METTL15: variants seen among roughly 807,000 people sequenced by gnomAD.
METTL15 encodes methyltransferase 15, mitochondrial 12S rRNA N4-cytidine, also known as 12S rRNA N(4)-cytidine methyltransferase METTL15.
In METTL15, 34 loss-of-function variants were observed where a neutral mutation model predicts 38.3. The observed-to-expected ratio is 0.89, with a 90% CI of 0.68 to 1.18. The LOEUF is 1.18. Among genes scored for constraint, METTL15 ranks in the 50% most tolerant of loss-of-function variants. The pLI is 0.00. For synonymous variants in METTL15, 162 were observed against 170.9 expected (o/e 0.95, Z 0.41); for missense variants, 438 against 498.4 (o/e 0.88, Z 1.15).
At chr11:28,387,973 G>A (rs1850457853) in intron 5 of METTL15, among the ~76,000 whole-genome samples, 1 of 151,962 alleles carries the variant, frequency 6.6e-6, no homozygotes, top group Non-Finnish European at 1.5e-5. Context: ...AATTAATGCA[G>A]AAAAAGTATT....
At chr11:28,486,191 A>G (rs1386639952) in intron 6 of METTL15, among the ~76,000 whole-genome samples, 1 of 152,086 alleles carries the variant, frequency 6.6e-6, no homozygotes, top group Admixed American at 6.6e-5. Flanking sequence ...AATCTAGGAT[A>G]TGGATGGGAA....
intron 4 of METTL15, among the ~76,000 whole-genome samples, chr11:28,238,945 A>C (rs1034487638): frequency 1.2e-4 from 18 of 152,038 alleles, no homozygotes; most frequent in African/African-American, 4.3e-4. Flanking sequence ...TATTCCTTCA[A>C]ATGATTTTAT....
chr11:28,433,799 A>G (rs1850957554), intron 6 of METTL15, among the ~76,000 whole-genome samples: 1 of 152,176 alleles, frequency 6.6e-6, no homozygotes, highest in Non-Finnish European at 1.5e-5. Context: ...ATCTACAACT[A>G]GACTCTACAA....
At chr11:28,285,593 G>T (rs1856226691) in intron 4 of METTL15, among the ~76,000 whole-genome samples, 1 of 152,170 alleles carries the variant, frequency 6.6e-6, no homozygotes, top group East Asian at 1.9e-4. Context: ...TAATTTATGG[G>T]TTCTTATAAC....
chr11:28,111,894 C>A (rs950339521), intron 2 of METTL15, among the ~76,000 whole-genome samples: 5 of 152,102 alleles, frequency 3.3e-5, no homozygotes, highest in Admixed American at 6.5e-5. Context: ...AAACCTTAGG[C>A]ATAATTAATA....
At chr11:28,218,859 G>A (rs1201062083) in intron 4 of METTL15, among the ~76,000 whole-genome samples, 1 of 152,052 alleles carries the variant, frequency 6.6e-6, no homozygotes, top group Non-Finnish European at 1.5e-5. Context: ...GCTGGAATAC[G>A]TTTATTGATT....
chr11:28,397,155 C>A (rs1850579229), intron 5 of METTL15, among the ~76,000 whole-genome samples: 1 of 152,070 alleles, frequency 6.6e-6, no homozygotes, highest in Non-Finnish European at 1.5e-5. Flanking sequence ...AAAACCTAGG[C>A]AATACCATTC....
chr11:28,431,789 TTAAAAAAAAAAAAAAAAAGA>T (rs1000433827), intron 6 of METTL15, among the ~76,000 whole-genome samples: 2 of 9,952 alleles, frequency 2.0e-4, no homozygotes, highest in Non-Finnish European at 3.1e-4. Context: ...AAAAATAAAT[TTAAAAAAAAAAAAAAAAAGA>T]AAAAAAAAAA....
At position 28,391,003 on chromosome 11, in the gene METTL15, A is replaced by T. The variant is rs200743767; in HGVS notation, c.*358+28967A>T. On this transcript the variant is annotated intron_variant and NMD_transcript_variant, in intron 5 of 7. Coordinates refer to the METTL15 transcript ENST00000532947. ...TCTCTTTGAAGCAATTGTGAATGGG[A>T]GTTCACTCATGATTTGCCTCGCTGT... Among the ~76,000 whole-genome samples the T allele has an allele frequency of 2.0e-5, 3 of 152,110 alleles. No individual in the cohort carries two copies. In the East Asian group the frequency reaches 5.8e-4, roughly 29 times the overall value.
intron 3 of METTL15, among the ~76,000 whole-genome samples, chr11:28,115,419 C>T (rs890792933): frequency 9.2e-5 from 14 of 151,958 alleles, no homozygotes; most frequent in Middle Eastern, 3.4e-3. Flanking sequence ...CCACCACGCC[C>T]GGCTAATTTC....
chr11:28,161,641 A>G (rs1181892765), intron 3 of METTL15, among the ~76,000 whole-genome samples: 2 of 152,150 alleles, frequency 1.3e-5, no homozygotes, highest in Non-Finnish European at 2.9e-5. Flanking sequence ...TTTTAATTGT[A>G]ATATTATACT....
intron 6 of METTL15, among the ~76,000 whole-genome samples, chr11:28,317,956 T>C (rs944418486): frequency 6.6e-6 from 1 of 152,172 alleles, no homozygotes; most frequent in Non-Finnish European, 1.5e-5. Context: ...ACAGAAGTTT[T>C]TTTGGGGTGA....
intron 4 of METTL15, among the ~76,000 whole-genome samples, chr11:28,215,205 C>A (rs1436747743): frequency 6.6e-6 from 1 of 152,098 alleles, no homozygotes; most frequent in African/African-American, 2.4e-5. Context: ...GAAGGTAGGA[C>A]CCCTGTGAAT....
chr11:28,527,470 C>T (rs1851820031), downstream of METTL15, among the ~76,000 whole-genome samples: 1 of 152,224 alleles, frequency 6.6e-6, no homozygotes, highest in Non-Finnish European at 1.5e-5. Context: ...GTACCCCCTG[C>T]ATGCCAGGCA....
At chr11:28,450,427 A>G (rs980990503) in intron 6 of METTL15, among the ~76,000 whole-genome samples, 4 of 152,252 alleles carry the variant, frequency 2.6e-5, no homozygotes, top group African/African-American at 9.6e-5. Context: ...TAATCTGTAA[A>G]ATATGATAAT....
chr11:28,273,562 T>C (rs1368424784), intron 4 of METTL15, among the ~76,000 whole-genome samples: 1 of 152,098 alleles, frequency 6.6e-6, no homozygotes, highest in Non-Finnish European at 1.5e-5. Flanking sequence ...GATTTTTGAA[T>C]AATTTATTTC....
At chr11:28,343,954 A>G (rs1164771565) in intron 3 of METTL15, among the ~76,000 whole-genome samples, 1 of 152,188 alleles carries the variant, frequency 6.6e-6, no homozygotes, top group Non-Finnish European at 1.5e-5. Context: ...TAAAGAAATG[A>G]ATGAAGTTTT....
intron 4 of METTL15, among the ~76,000 whole-genome samples, chr11:28,273,032 A>G (rs543487992): frequency 8.7e-4 from 132 of 152,332 alleles, no homozygotes; most frequent in African/African-American, 3.1e-3. Context: ...TTTACATTAT[A>G]TAATTTATAG....
chr11:28,200,521 CT>C (rs1455270422), intron 3 of METTL15, among the ~76,000 whole-genome samples: 1 of 152,144 alleles, frequency 6.6e-6, no homozygotes, highest in East Asian at 1.9e-4. Flanking sequence ...TTCTACTTAA[CT>C]GGGTGCTTTA....
Sources: gnomAD v4.1 joint callset for allele counts (sites outside exome capture counted in the v4.1 genomes callset) on GRCh38, gnomAD v4.1.1 for gene constraint, MANE v1.5 for transcripts, NCBI Gene and HGNC (gene_info 2026-07-23, HGNC 2026-07-21) for gene names.